The following ZUP1 variants were observed in gnomAD, a reference collection of about 807,000 sequenced individuals.
ZUP1 encodes zinc finger-containing ubiquitin peptidase 1.
A neutral mutation model predicts 68.1 loss-of-function variants in ZUP1; 55 were observed. The ratio of observed to expected loss-of-function variants is 0.81; its 90% CI spans 0.65 to 1.01. The LOEUF (loss-of-function observed/expected upper bound fraction) is 1.01, where lower values mean the gene tolerates loss of function less well. ZUP1 is among the 50% of genes least tolerant of loss of function. The probability of loss-of-function intolerance (pLI) is 0.00; values close to 1 mark genes in which losing one functional copy is unlikely to be tolerated. For synonymous variants in ZUP1, 223 were observed against 221.5 expected, an observed-to-expected ratio of 1.01 and a Z score of -0.06; for missense variants, 684 against 674.9, an observed-to-expected ratio of 1.01 and a Z score of -0.15.
intron 9 of ZUP1, among the ~76,000 whole-genome samples, chr6:116,636,506 A>C (rs1376063835): frequency 2.0e-5 from 3 of 152,312 alleles, no homozygotes; most frequent in African/African-American, 7.2e-5. Context: ...GCATTAGGTG[A>C]TATTGTCTAA....
At chr6:116,664,875 T>TACAGAC (rs908758464) in intron 2 of ZUP1, among the ~76,000 whole-genome samples, 1 of 132,538 alleles carries the variant, frequency 7.5e-6, no homozygotes, top group African/African-American at 2.9e-5. Context: ...TGTACACAAG[T>TACAGAC]ACAGACACAC....
chr6:116,656,072 TTTTTG>T (rs142186619), intron 5 of ZUP1, among the ~76,000 whole-genome samples: 28,066 of 143,036 alleles, frequency 0.2, 2,705 homozygotes, highest in East Asian at 0.29. Context: ...TTTTCACTTT[TTTTTG>T]TTTTTTTTTT....
chr6:116,664,168 C>T (rs538900850), intron 2 of ZUP1, among the ~76,000 whole-genome samples: 14 of 152,272 alleles, frequency 9.2e-5, no homozygotes, highest in African/African-American at 2.9e-4. Flanking sequence ...CGGTGGCTTA[C>T]GCCTGTAATC....
chr6:116,649,317 G>T (rs1776408507), intron 7 of ZUP1, among the ~76,000 whole-genome samples: 1 of 151,864 alleles, frequency 6.6e-6, no homozygotes, highest in Non-Finnish European at 1.5e-5. Flanking sequence ...CATTAAACAC[G>T]ATCACAGACA....
chr6:116,657,367 A>C (rs1275844604), intron 4 of ZUP1, among the ~76,000 whole-genome samples: 1 of 152,206 alleles, frequency 6.6e-6, no homozygotes, highest in East Asian at 1.9e-4. Context: ...TTTTCACGGA[A>C]ACTTTTCTAC....
intron 7 of ZUP1, among the ~76,000 whole-genome samples, chr6:116,650,058 T>C (rs1214810508): frequency 6.6e-6 from 1 of 152,016 alleles, no homozygotes; most frequent in Non-Finnish European, 1.5e-5. Context: ...AATTGGGGGA[T>C]AAAGTTGAGT....
chr6:116,668,038 A>C (rs781770992), intron 1 of ZUP1, among the ~76,000 whole-genome samples: 3 of 152,186 alleles, frequency 2.0e-5, no homozygotes, highest in African/African-American at 7.2e-5. Context: ...TAAAAAAAGC[A>C]ATCACTTCGC....
At chr6:116,662,114 GAAGTATT>G (rs1284966861) in intron 2 of ZUP1, among the ~76,000 whole-genome samples, 10 of 152,166 alleles carry the variant, frequency 6.6e-5, no homozygotes, top group African/African-American at 2.4e-4. Flanking sequence ...AAGAGAAAAT[GAAGTATT>G]AAGTACTCAG....
At chr6:116,637,803 C>T (rs956089714) in intron 9 of ZUP1, among the ~76,000 whole-genome samples, 5 of 152,248 alleles carry the variant, frequency 3.3e-5, no homozygotes, top group African/African-American at 9.6e-5. Context: ...TGGCTCACGC[C>T]TGTAATCCCA....
intron 3 of ZUP1, among the ~76,000 whole-genome samples, chr6:116,659,244 T>C (rs1264353667): frequency 6.6e-6 from 1 of 152,166 alleles, no homozygotes; most frequent in Non-Finnish European, 1.5e-5. Context: ...ATTCTCCTGC[T>C]GCAGCCTCCT....
At chr6:116,654,683 G>C (rs1776612313) in intron 5 of ZUP1, among the ~76,000 whole-genome samples, 1 of 151,858 alleles carries the variant, frequency 6.6e-6, no homozygotes, top group Non-Finnish European at 1.5e-5. Context: ...ACTAATGAAA[G>C]AATAGTGTTC....
intron 9 of ZUP1, among the ~76,000 whole-genome samples, chr6:116,637,784 T>C (rs189134501): frequency 2.0e-5 from 3 of 152,322 alleles, no homozygotes; most frequent in Admixed American, 2.0e-4. Context: ...TTAATGTGGC[T>C]GGGCACGGTG....
intron 2 of ZUP1, among the ~76,000 whole-genome samples, chr6:116,662,544 A>G (rs759176765): frequency 6.6e-6 from 1 of 152,182 alleles, no homozygotes; most frequent in Non-Finnish European, 1.5e-5. Flanking sequence ...TACCTGAAGG[A>G]CATCTGCTAA....
chr6:116,638,464 CAA>C (rs1421887805), intron 9 of ZUP1, among the ~76,000 whole-genome samples: 30 of 151,966 alleles, frequency 2.0e-4, no homozygotes, highest in Non-Finnish European at 3.2e-4. Context: ...GGAATAAAGA[CAA>C]GAGGAAATTC....
chr6:116,645,555 CCTGGT>C (rs1478888387), intron 9 of ZUP1, among the ~76,000 whole-genome samples, 154 bp downstream of exon 9: 1 of 145,666 alleles, frequency 6.9e-6, no homozygotes, highest in Admixed American at 6.9e-5. Flanking sequence ...TGCACTCAGG[CCTGGT>C]CAACAGAGTG....
chr6:116,643,595 T>C (rs1461901163), intron 9 of ZUP1, among the ~76,000 whole-genome samples: 1 of 152,098 alleles, frequency 6.6e-6, no homozygotes, highest in African/African-American at 2.4e-5. Flanking sequence ...GGAAAGGATT[T>C]CCTATTTAAT....
At chr6:116,653,201 TC>T (rs1299528140) in intron 5 of ZUP1, among the ~76,000 whole-genome samples, 1 of 152,048 alleles carries the variant, frequency 6.6e-6, no homozygotes, top group Non-Finnish European at 1.5e-5. Flanking sequence ...AAATTATAGA[TC>T]CTTCACATGC....
At chr6:116,654,992 T>G (rs1340963296) in intron 5 of ZUP1, among the ~76,000 whole-genome samples, 1 of 152,112 alleles carries the variant, frequency 6.6e-6, no homozygotes, top group African/African-American at 2.4e-5. Flanking sequence ...ATTCCAGTTC[T>G]GGATGTAATA....
At chr6:116,642,381 C>A (rs931212908) in intron 9 of ZUP1, among the ~76,000 whole-genome samples, 23 of 151,798 alleles carry the variant, frequency 1.5e-4, no homozygotes, top group African/African-American at 5.6e-4. Flanking sequence ...GAGACACAAC[C>A]AAAAAAGAGA....
Sources: gnomAD v4.1 joint callset for allele counts (sites outside exome capture counted in the v4.1 genomes callset) on GRCh38, gnomAD v4.1.1 for gene constraint, MANE v1.5 for transcripts, NCBI Gene and HGNC (gene_info 2026-07-23, HGNC 2026-07-21) for gene names.